FAM53B: variants seen among roughly 807,000 people sequenced by gnomAD.
FAM53B encodes protein FAM53B.
FAM53B carries 12 observed loss-of-function variants against 32.7 expected under a neutral mutation model. That is an observed-to-expected ratio of 0.37 (90% CI 0.24 to 0.59). The LOEUF (loss-of-function observed/expected upper bound fraction) is 0.59. Among genes scored for constraint, FAM53B ranks in the 20% least tolerant of loss-of-function variants. The pLI is 0.72. For missense variants in FAM53B, 477 were observed against 577.7 expected, an observed-to-expected ratio of 0.83 and a Z score of 1.79; for synonymous variants, 234 against 228.7, an observed-to-expected ratio of 1.02 and a Z score of -0.21.
intron 1 of FAM53B, chr10:124,713,513 A>G (rs1162673948): frequency 6.6e-6 from 1 of 152,256 alleles, no homozygotes; most frequent in Non-Finnish European, 1.5e-5. Context: ...CTCAGCTTCC[A>G]GCAAGTGGGA....
chr10:124,721,369 G>A (rs924886126), intron 1 of FAM53B, among the ~76,000 whole-genome samples: 2 of 152,320 alleles, frequency 1.3e-5, no homozygotes, highest in South Asian at 2.1e-4. Flanking sequence ...TGATGTTCAC[G>A]AGGCCCAAGT....
chr10:124,649,632 T>A (rs932767274), intron 4 of FAM53B, among the ~76,000 whole-genome samples: 2 of 152,212 alleles, frequency 1.3e-5, no homozygotes, highest in Admixed American at 1.3e-4. Flanking sequence ...CACAGCTGGA[T>A]AAAGGCCGCC....
chr10:124,701,667 G>A (rs770052211), intron 2 of FAM53B, among the ~76,000 whole-genome samples: 2 of 152,222 alleles, frequency 1.3e-5, no homozygotes, highest in Non-Finnish European at 2.9e-5. Flanking sequence ...CTGGAAGGAA[G>A]AGCCCACTCA....
rs114677967 is a variant in FAM53B, at chr10:124,692,360, G to T, written c.133+3798C>A. 3.2e-3 allele frequency among the ~76,000 whole-genome samples: 490 copies of T among 152,130 alleles called. 7 individuals carry two copies. The highest frequency in any genetic ancestry group is 0.011 in the African/African-American group (462 of 41,494). ...AGGGGACAAGAGTGGGGAGGGGCCC[G>T]GTATCCAGCTTGCAATCACAGGGCG... On this transcript the variant is annotated intron_variant, in intron 3 of 4. Coordinates refer to ENST00000337318, the MANE Select transcript of FAM53B (RefSeq NM_014661.4).
chr10:124,639,797 A>C (rs1949458810), intron 4 of FAM53B, among the ~76,000 whole-genome samples: 1 of 151,938 alleles, frequency 6.6e-6, no homozygotes, highest in African/African-American at 2.4e-5. Flanking sequence ...CTGGAGACAG[A>C]TGCCTGGGGC....
chr10:124,726,057 G>A (rs926272836), intron 1 of FAM53B, among the ~76,000 whole-genome samples: 8 of 152,090 alleles, frequency 5.3e-5, no homozygotes, highest in African/African-American at 7.2e-5. Context: ...TTCAGTCCCC[G>A]ACCCCAGACA....
At chr10:124,653,858 T>C (rs776334294) in intron 4 of FAM53B, among the ~76,000 whole-genome samples, 1 of 152,184 alleles carries the variant, frequency 6.6e-6, no homozygotes, top group Non-Finnish European at 1.5e-5. Context: ...CAGTTCAGGG[T>C]TGATGCCAGC....
intron 1 of FAM53B, among the ~76,000 whole-genome samples, chr10:124,714,748 G>T (rs1034160365): frequency 8.5e-6 from 1 of 117,188 alleles, no homozygotes; most frequent in African/African-American, 3.2e-5. Flanking sequence ...GACAGAGCGA[G>T]ACTCCACCTC....
chr10:124,676,475 G>T (rs1332927359), intron 4 of FAM53B, among the ~76,000 whole-genome samples: 1 of 152,200 alleles, frequency 6.6e-6, no homozygotes, highest in Non-Finnish European at 1.5e-5. Flanking sequence ...ACAGGAACTT[G>T]GCCAAGGAAA....
At chr10:124,628,175 A>AC (rs996837129) in intron 4 of FAM53B, among the ~76,000 whole-genome samples, 17 of 152,096 alleles carry the variant, frequency 1.1e-4, no homozygotes, top group Admixed American at 1.0e-3. Flanking sequence ...GTGACCCAGA[A>AC]CCCACTCTGG....
chr10:124,734,551 T>C (rs539309979), intron 1 of FAM53B, among the ~76,000 whole-genome samples: 2 of 152,282 alleles, frequency 1.3e-5, no homozygotes, highest in South Asian at 4.1e-4. Context: ...CAGGATCTCA[T>C]TGTCCTAGCA....
chr10:124,704,502 AG>A (rs1249797741), intron 2 of FAM53B, among the ~76,000 whole-genome samples: 1 of 152,214 alleles, frequency 6.6e-6, no homozygotes, highest in African/African-American at 2.4e-5. Context: ...ACTGAACTGT[AG>A]GTTGAGTAGC....
chr10:124,696,666 G>T (rs1215883727), intron 2 of FAM53B, among the ~76,000 whole-genome samples: 1 of 152,084 alleles, frequency 6.6e-6, no homozygotes, highest in East Asian at 1.9e-4. Flanking sequence ...CTCCCTTCCA[G>T]ATCCAGGGAG....
At chr10:124,669,642 C>T (rs1949694859) in intron 4 of FAM53B, among the ~76,000 whole-genome samples, 1 of 152,234 alleles carries the variant, frequency 6.6e-6, no homozygotes, top group Non-Finnish European at 1.5e-5. Context: ...GAACCCAAAG[C>T]CTAGGGCAAA....
intron 3 of FAM53B, among the ~76,000 whole-genome samples, chr10:124,685,986 C>G (rs1339115579): frequency 6.6e-6 from 1 of 152,122 alleles, no homozygotes; most frequent in Non-Finnish European, 1.5e-5. Context: ...CACATCATTC[C>G]CCACAACAAA....
At chr10:124,724,793 G>A (rs1950091908) in intron 1 of FAM53B, among the ~76,000 whole-genome samples, 1 of 152,174 alleles carries the variant, frequency 6.6e-6, no homozygotes, top group African/African-American at 2.4e-5. Flanking sequence ...AATGGGAGTG[G>A]CCACACACAG....
At chr10:124,663,255 C>T (rs1451694712) in intron 4 of FAM53B, among the ~76,000 whole-genome samples, 1 of 152,188 alleles carries the variant, frequency 6.6e-6, no homozygotes, top group Non-Finnish European at 1.5e-5. Flanking sequence ...TGTGTGTTGA[C>T]CAAAGTTCCA....
At chr10:124,660,619 T>C (rs1949625213) in intron 4 of FAM53B, among the ~76,000 whole-genome samples, 1 of 152,236 alleles carries the variant, frequency 6.6e-6, no homozygotes, top group African/African-American at 2.4e-5. Context: ...GCCAGCTGCC[T>C]TGTAGCCCTG....
chr10:124,680,752 G>A (rs550712745), intron 4 of FAM53B, among the ~76,000 whole-genome samples: 12 of 152,276 alleles, frequency 7.9e-5, no homozygotes, highest in African/African-American at 2.9e-4. Flanking sequence ...TGGTCAGACC[G>A]TGGCATTAAG....
Sources: gnomAD v4.1 joint callset for allele counts (sites outside exome capture counted in the v4.1 genomes callset) on GRCh38, gnomAD v4.1.1 for gene constraint, MANE v1.5 for transcripts, NCBI Gene and HGNC (gene_info 2026-07-23, HGNC 2026-07-21) for gene names.